The following NSMCE2 variants were observed in gnomAD, a reference collection of about 807,000 sequenced individuals.
NSMCE2 encodes the protein NSE2 SUMO ligase component of SMC5/6 complex, also known as E3 SUMO-protein ligase NSE2.
Under a neutral mutation model 23.8 loss-of-function variants are expected in NSMCE2, and 24 were observed. The ratio of observed to expected loss-of-function variants is 1.01; its 90% CI spans 0.73 to 1.42. The LOEUF (loss-of-function observed/expected upper bound fraction) is 1.42, where lower values mean the gene tolerates loss of function less well. Among genes scored for constraint, NSMCE2 ranks in the 40% most tolerant of loss-of-function variants. NSMCE2 has a pLI of 0.00. For synonymous variants in NSMCE2, 92 were observed against 94.1 expected (o/e 0.98, Z 0.13); for missense variants, 284 against 296.5 (o/e 0.96, Z 0.31).
At chr8:125,147,624 T>C (rs567900597) in intron 3 of NSMCE2, among the ~76,000 whole-genome samples, 3 of 152,230 alleles carry the variant, frequency 2.0e-5, no homozygotes, top group East Asian at 3.9e-4. Context: ...TGGTATATAT[T>C]CTCAAAAAGG....
At chr8:125,242,696 A>G (rs1027770784) in intron 5 of NSMCE2, among the ~76,000 whole-genome samples, 1 of 152,198 alleles carries the variant, frequency 6.6e-6, no homozygotes, top group African/African-American at 2.4e-5. Flanking sequence ...TAGTTGTGGA[A>G]GAGGAGGGGG....
intron 3 of NSMCE2, among the ~76,000 whole-genome samples, chr8:125,112,648 T>A (rs1476619736): frequency 6.6e-6 from 1 of 152,044 alleles, no homozygotes; most frequent in Non-Finnish European, 1.5e-5. Context: ...CACAGAAAGA[T>A]AAATAGTGCT....
At chr8:125,235,272 C>G (rs1229673668) in intron 5 of NSMCE2, among the ~76,000 whole-genome samples, 3 of 151,354 alleles carry the variant, frequency 2.0e-5, no homozygotes, top group Admixed American at 2.0e-4. Flanking sequence ...AACCTAAAAG[C>G]TTTTCCCAAG....
intron 5 of NSMCE2, among the ~76,000 whole-genome samples, chr8:125,218,671 C>T (rs1227872246): frequency 2.0e-5 from 3 of 152,094 alleles, no homozygotes; most frequent in African/African-American, 7.2e-5. Flanking sequence ...CTCAGCCTTC[C>T]AAAGTGCTAG....
chr8:125,325,293 A>C (rs1473400757), intron 5 of NSMCE2, among the ~76,000 whole-genome samples: 2 of 126,588 alleles, frequency 1.6e-5, no homozygotes, highest in Non-Finnish European at 3.6e-5. Flanking sequence ...CCCCGTTTCT[A>C]TTAAAATAAA....
chr8:125,114,231 C>A (rs1174734769), intron 3 of NSMCE2, among the ~76,000 whole-genome samples: 5 of 152,134 alleles, frequency 3.3e-5, no homozygotes, highest in Non-Finnish European at 7.3e-5. Flanking sequence ...TTCTAACATA[C>A]TGTATAATTG....
chr8:125,316,608 CCTTTCTTTA>C (rs1563779825), intron 5 of NSMCE2, among the ~76,000 whole-genome samples: 3 of 149,602 alleles, frequency 2.0e-5, no homozygotes, highest in East Asian at 2.0e-4. Flanking sequence ...TTCCTTCTTT[CCTTTCTTTA>C]TTTCCTTCTT....
chr8:125,105,667 C>T (rs530503768), intron 3 of NSMCE2, among the ~76,000 whole-genome samples: 56 of 152,130 alleles, frequency 3.7e-4, no homozygotes, highest in African/African-American at 1.3e-3. Context: ...TGTCACAACC[C>T]GCTGTTGTAG....
chr8:125,276,393 CT>C (rs1328458352), intron 5 of NSMCE2, among the ~76,000 whole-genome samples: 4 of 152,188 alleles, frequency 2.6e-5, no homozygotes, highest in African/African-American at 9.6e-5. Flanking sequence ...ACCCCTCTTC[CT>C]TACTCCAGAC....
At chr8:125,293,917 A>G (rs1828218395) in intron 5 of NSMCE2, among the ~76,000 whole-genome samples, 1 of 152,176 alleles carries the variant, frequency 6.6e-6, no homozygotes, top group African/African-American at 2.4e-5. Context: ...ATTTTAGAAC[A>G]TTTTCAAAAA....
At chr8:125,313,567 C>G (rs1167514875) in intron 5 of NSMCE2, among the ~76,000 whole-genome samples, 1 of 152,166 alleles carries the variant, frequency 6.6e-6, no homozygotes, top group Non-Finnish European at 1.5e-5. Flanking sequence ...TCACGACTTG[C>G]CAGCTTAGCT....
chr8:125,259,983 G>A (rs1826619063), intron 5 of NSMCE2, among the ~76,000 whole-genome samples: 2 of 152,180 alleles, frequency 1.3e-5, no homozygotes, highest in Non-Finnish European at 1.5e-5. Context: ...TGAAGCAACC[G>A]AGGCAGCAGC....
At chr8:125,150,009 G>C (rs968411544) in intron 3 of NSMCE2, among the ~76,000 whole-genome samples, 1 of 152,104 alleles carries the variant, frequency 6.6e-6, no homozygotes, top group Admixed American at 6.5e-5. Context: ...CTATCTGCCT[G>C]AGACCACCTC....
At chr8:125,289,926 A>T (rs183324982) in intron 5 of NSMCE2, among the ~76,000 whole-genome samples, 200 of 152,334 alleles carry the variant, frequency 1.3e-3, no homozygotes, top group Non-Finnish European at 2.2e-3. Flanking sequence ...TATAAGAATA[A>T]TTATTTTCTC....
At position 125,136,327 on chromosome 8, in the gene NSMCE2, G is replaced by C. The variant is rs1586491371; in HGVS notation, c.158-14844G>C. On this transcript the variant is annotated intron_variant, in intron 3 of 7. Coordinates refer to ENST00000287437, the MANE Select transcript of NSMCE2 (RefSeq NM_173685.4). ...GGAAACAAATCAATAATCTGAGGAAGAAACAAAGATTGAAATTAAGGCAGC... is the reference window on the plus strand; with the variant it reads ...GGAAACAAATCAATAATCTGAGGAACAAACAAAGATTGAAATTAAGGCAGC... 1.2e-4 allele frequency among the ~76,000 whole-genome samples: 18 copies of C among 152,242 alleles called. 1 individual carries two copies. In the South Asian group the frequency reaches 3.7e-3, roughly 32 times the overall value.
intron 3 of NSMCE2, among the ~76,000 whole-genome samples, chr8:125,132,217 C>A (rs10111234): frequency 1.3e-5 from 2 of 151,902 alleles, no homozygotes; most frequent in East Asian, 3.9e-4. Flanking sequence ...TCCACCTCAG[C>A]TTCCTGAGTA....
intron 4 of NSMCE2, among the ~76,000 whole-genome samples, chr8:125,166,734 G>A (rs1213227403): frequency 6.6e-6 from 1 of 152,178 alleles, no homozygotes. Flanking sequence ...TCTAGTTGGG[G>A]TACTCCCCAG....
chr8:125,353,878 C>T (rs1360723951), intron 5 of NSMCE2, among the ~76,000 whole-genome samples: 6 of 145,576 alleles, frequency 4.1e-5, no homozygotes, highest in Admixed American at 7.2e-5. Flanking sequence ...GGCAAGACTC[C>T]GTCTCAAAAA....
At chr8:125,337,884 C>CAAAAAAA (rs35658538) in intron 5 of NSMCE2, among the ~76,000 whole-genome samples, 19 of 97,346 alleles carry the variant, frequency 2.0e-4, no homozygotes, top group Admixed American at 4.6e-4. Context: ...AACTCTATCT[C>CAAAAAAA]AAAAAAAAAA....
Sources: allele counts gnomAD v4.1 joint callset (sites outside exome capture counted in the v4.1 genomes callset), GRCh38; gene constraint gnomAD v4.1.1; transcripts MANE v1.5; gene names NCBI Gene and HGNC (gene_info 2026-07-23, HGNC 2026-07-21).